The following PTPRS variants were observed in gnomAD, a reference collection of about 807,000 sequenced individuals.
PTPRS encodes the protein receptor-type tyrosine-protein phosphatase S.
Under a neutral mutation model 215.3 loss-of-function variants are expected in PTPRS, and 63 were observed. That is an observed-to-expected ratio of 0.29 (90% confidence interval 0.24 to 0.36). The LOEUF (loss-of-function observed/expected upper bound fraction) is 0.36, where lower values mean the gene tolerates loss of function less well. Ranked by LOEUF, PTPRS falls within the 10% of genes least tolerant of loss-of-function variation. The pLI, the probability that PTPRS is intolerant of heterozygous loss-of-function variation, is 1.00. For missense variants in PTPRS, 2,258 were observed against 2,825.8 expected (o/e 0.80, Z 4.56); for synonymous variants, 1,404 against 1,191.4 (o/e 1.18, Z -3.68).
chr19:5,290,120 G>A (rs1199310871), intron 1 of PTPRS, among the ~76,000 whole-genome samples: 1 of 152,228 alleles, frequency 6.6e-6, no homozygotes, highest in Non-Finnish European at 1.5e-5. Context: ...ACCGCTGGAC[G>A]CTGAACCCAT....
At chr19:5,279,566 T>A (rs2047678981) in intron 2 of PTPRS, among the ~76,000 whole-genome samples, 1 of 152,116 alleles carries the variant, frequency 6.6e-6, no homozygotes, top group African/African-American at 2.4e-5. Context: ...AGACAGGGTC[T>A]CGCTATGTTT....
rs546587377 is a variant in PTPRS at position 5,332,690 on chromosome 19, G to A, written c.-95+7974C>T. 2.0e-5 allele frequency among the ~76,000 whole-genome samples: 3 copies of A among 152,338 alleles called. No individual in the cohort carries two copies. The South Asian group carries it at 6.2e-4, about 32-fold the overall frequency. On this transcript the variant is annotated intron_variant, in intron 1 of 37. Coordinates refer to ENST00000262963, the MANE Select transcript of PTPRS (RefSeq NM_002850.4). ...TCCTCCTGCGCAAGGCCCAGCAGCA[G>A]GCAGGCAGGCATGGCTGTGTGGTCT...
rs1290780287 is a variant in PTPRS at position 5,215,285 on chromosome 19, C to T, written c.4318+4G>A. 1 of 1,613,562 alleles carries T rather than the reference C, an allele frequency of 6.2e-7. No homozygotes were observed. Among genetic ancestry groups the T allele is most frequent in the East Asian group, 2.2e-5 (1 of 44,868 alleles). On this transcript the variant is annotated splice_donor_region_variant and intron_variant, in intron 28 of 37. Transcript: ENST00000262963. The stretch of plus-strand genomic sequence containing the variant: ...CAGGTTAAGACCCGGGATCTCCGAA[C>T]TACCTTCAATGGGCTGGAGGATGAC...
At chr19:5,243,060 C>A (rs1334672261) in intron 11 of PTPRS, among the ~76,000 whole-genome samples, 1 of 151,832 alleles carries the variant, frequency 6.6e-6, no homozygotes, top group Non-Finnish European at 1.5e-5. Context: ...CTTAAGCCAT[C>A]CTCCTGCGTC....
At chr19:5,307,400 G>A (rs1396652030) in intron 1 of PTPRS, among the ~76,000 whole-genome samples, 1 of 145,862 alleles carries the variant, frequency 6.9e-6, no homozygotes, top group East Asian at 2.5e-4. Context: ...TAGTATCTTA[G>A]TGTTATGAGA....
chr19:5,255,423 G>C (rs2045470801), intron 9 of PTPRS, among the ~76,000 whole-genome samples: 1 of 151,982 alleles, frequency 6.6e-6, no homozygotes, highest in Non-Finnish European at 1.5e-5. Context: ...AACAACCACA[G>C]AACAGCTCAA....
At chr19:5,219,526 G>C in intron 22 of PTPRS, 59 bp from the exon 23 acceptor site, 1 of 1,494,226 alleles carries the variant, frequency 6.7e-7, no homozygotes, top group Non-Finnish European at 8.9e-7. Context: ...TGGCCAGATG[G>C]GTCTTTCTCA....
chr19:5,331,903 ACT>A (rs2050338908), intron 1 of PTPRS, among the ~76,000 whole-genome samples: 1 of 152,104 alleles, frequency 6.6e-6, no homozygotes, highest in Non-Finnish European at 1.5e-5. Flanking sequence ...TGTTCTCAGC[ACT>A]CTCTGTAAGC....
intron 1 of PTPRS, among the ~76,000 whole-genome samples, chr19:5,322,460 G>C (rs953623495): frequency 6.6e-6 from 1 of 152,178 alleles, no homozygotes; most frequent in African/African-American, 2.4e-5. Context: ...GCGGGGGTGG[G>C]AGGAAGAAGC....
At chr19:5,333,781 C>G (rs1568625165) in intron 1 of PTPRS, among the ~76,000 whole-genome samples, 1 of 152,178 alleles carries the variant, frequency 6.6e-6, no homozygotes, top group Non-Finnish European at 1.5e-5. Context: ...AGCCCCACAG[C>G]TGCTTAGATT....
intron 4 of PTPRS, among the ~76,000 whole-genome samples, chr19:5,272,693 G>C (rs1196100846): frequency 6.7e-6 from 1 of 149,690 alleles, no homozygotes; most frequent in Admixed American, 6.7e-5. Context: ...TGAATGTCTG[G>C]GGAAGTGGGG....
intron 13 of PTPRS, among the ~76,000 whole-genome samples, chr19:5,235,035 G>C (rs955818139): frequency 1.3e-5 from 2 of 151,646 alleles, no homozygotes; most frequent in Non-Finnish European, 2.9e-5. Flanking sequence ...CTGCTGCTCG[G>C]GTTCACGCCA....
Position 5,225,724 on chromosome 19 carries a change from T to A in PTPRS, c.2494+3A>T. The A allele has an allele frequency of 6.2e-7, 1 of 1,613,206 alleles. No individual in the cohort carries two copies. The highest frequency in any genetic ancestry group is 8.5e-7 in the Non-Finnish European group (1 of 1,179,322). ...GTGGGTGGGAGGAGGGCGGGTTGCA[T>A]ACCTGCTCCCTTGGTCACAACCACC... On this transcript the variant is annotated splice_donor_region_variant and intron_variant, in intron 17 of 37. Transcript: ENST00000262963.
At chr19:5,267,244 C>T (rs922376814) in intron 4 of PTPRS, among the ~76,000 whole-genome samples, 1 of 152,070 alleles carries the variant, frequency 6.6e-6, no homozygotes, top group African/African-American at 2.4e-5. Flanking sequence ...GGAGGAGAAA[C>T]TCAGGTCCCT....
chr19:5,277,078 G>T (rs4992198), intron 2 of PTPRS, among the ~76,000 whole-genome samples: 2 of 139,050 alleles, frequency 1.4e-5, no homozygotes, highest in Admixed American at 7.3e-5. Flanking sequence ...TTTTTTTTAA[G>T]AGACTGAGTC....
chr19:5,228,011 C>T lies in PTPRS; in HGVS notation c.2376+1305G>A, dbSNP rs192290681. 2.2e-3 allele frequency among the ~76,000 whole-genome samples: 329 copies of T among 152,060 alleles called. 10 individuals are homozygous for T. Among genetic ancestry groups the T allele is most frequent in the Admixed American group, 0.018 (276 of 15,280 alleles). Reference sequence around the variant, plus strand: ...AGGCCAAGGGGATAAGGAGGGGTGACGGGGATGCACAAACAGGGTCTCCTA... The same window carrying T: ...AGGCCAAGGGGATAAGGAGGGGTGATGGGGATGCACAAACAGGGTCTCCTA... On this transcript the variant is annotated intron_variant, in intron 16 of 37. Coordinates refer to ENST00000262963, the MANE Select transcript of PTPRS (RefSeq NM_002850.4).
chr19:5,306,237 T>C (rs2049489755), intron 1 of PTPRS, among the ~76,000 whole-genome samples: 1 of 151,424 alleles, frequency 6.6e-6, no homozygotes, highest in Non-Finnish European at 1.5e-5. Context: ...CTCCGCTTCC[T>C]GGGTTCCAGT....
intron 26 of PTPRS, 87 bp downstream of exon 26, chr19:5,216,633 A>T (rs2041485840): frequency 8.7e-7 from 1 of 1,150,824 alleles, no homozygotes; most frequent in Admixed American, 2.0e-5. Context: ...GCGTGTGGAC[A>T]GAGACAGGAG....
chr19:5,329,411 C>A (rs117787335), intron 1 of PTPRS, among the ~76,000 whole-genome samples: 3,713 of 152,306 alleles, frequency 0.024, 64 homozygotes, highest in South Asian at 0.048. Flanking sequence ...TCGTAGCTAA[C>A]AATCCAGCTA....
Sources: allele counts gnomAD v4.1 joint callset (sites outside exome capture counted in the v4.1 genomes callset), GRCh38; gene constraint gnomAD v4.1.1; transcripts MANE v1.5; gene names NCBI Gene and HGNC (gene_info 2026-07-23, HGNC 2026-07-21).